The following HLCS variants were observed in gnomAD, a reference collection of about 807,000 sequenced individuals.
HLCS encodes holocarboxylase synthetase.
In HLCS, 53 loss-of-function variants were observed where a neutral mutation model predicts 75.0. The ratio of observed to expected loss-of-function variants is 0.71; its 90% confidence interval spans 0.57 to 0.89. The LOEUF is 0.89. Ranked by LOEUF, HLCS falls within the 40% of genes least tolerant of loss-of-function variation. The pLI is 0.00. For synonymous variants in HLCS, 431 were observed against 428.6 expected, an observed-to-expected ratio of 1.01 and a Z score of -0.07; for missense variants, 966 against 1,074.0, an observed-to-expected ratio of 0.90 and a Z score of 1.41.
At chr21:36,821,625 C>T (rs1038713503) in intron 6 of HLCS, among the ~76,000 whole-genome samples, 1 of 152,212 alleles carries the variant, frequency 6.6e-6, no homozygotes, top group Non-Finnish European at 1.5e-5. Context: ...ACTTCTGCAA[C>T]CCAAATGTTC....
In HLCS at chr21:36,751,901, A is replaced by G. The variant is rs538073380; in HGVS notation, c.*2345T>C. ...AAAAGCACACGCCAATCCTGAGTTTAGTGACCACATTTTAAAGATCATCAG... is the reference window on the plus strand; with the variant it reads ...AAAAGCACACGCCAATCCTGAGTTTGGTGACCACATTTTAAAGATCATCAG... On this transcript the variant is annotated 3_prime_UTR_variant, in exon 11 of 11. Transcript: ENST00000674895. The G allele has an allele frequency of 2.0e-5, 3 of 152,366 alleles. No homozygotes were observed. The highest frequency in any genetic ancestry group is 4.4e-5 in the Non-Finnish European group (3 of 68,028). The allele number at this position is 152,366 out of a possible 1,614,324, so 9.4% of individuals were successfully genotyped here.
chr21:36,864,748 C>A (rs1378468423), intron 6 of HLCS, among the ~76,000 whole-genome samples: 1 of 152,074 alleles, frequency 6.6e-6, no homozygotes, highest in Non-Finnish European at 1.5e-5. Flanking sequence ...GCCTTTTTAT[C>A]CTTTCTATAG....
At chr21:36,950,001 TC>T (rs1197430119) in intron 2 of HLCS, among the ~76,000 whole-genome samples, 2 of 152,054 alleles carry the variant, frequency 1.3e-5, no homozygotes, top group Non-Finnish European at 1.5e-5. Flanking sequence ...CCACAGGCCA[TC>T]ACCTCCTAAC....
chr21:36,801,313 C>A (rs2061193943), intron 6 of HLCS, among the ~76,000 whole-genome samples: 2 of 152,176 alleles, frequency 1.3e-5, no homozygotes, highest in Non-Finnish European at 2.9e-5. Context: ...TTGCCTCTAT[C>A]CTGTGATATT....
chr21:36,933,546 CGTCTCAAA>C (rs1674967151), intron 4 of HLCS, among the ~76,000 whole-genome samples: 1 of 112,838 alleles, frequency 8.9e-6, no homozygotes, highest in Non-Finnish European at 1.8e-5. Flanking sequence ...AATGAAACTC[CGTCTCAAA>C]AAAAAAAAAA....
At chr21:36,789,711 G>C (rs73212605) in intron 6 of HLCS, among the ~76,000 whole-genome samples, 24,184 of 152,164 alleles carry the variant, frequency 0.16, 2,068 homozygotes, top group South Asian at 0.26. Context: ...GCCACCTTAC[G>C]CATTTTCTAG....
At chr21:36,863,102 G>A (rs2063438656) in intron 6 of HLCS, among the ~76,000 whole-genome samples, 1 of 152,036 alleles carries the variant, frequency 6.6e-6, no homozygotes, top group African/African-American at 2.4e-5. Flanking sequence ...AATCCCATGA[G>A]ACAGAAATGT....
intron 6 of HLCS, among the ~76,000 whole-genome samples, chr21:36,806,638 G>C (rs959970401): frequency 2.6e-5 from 4 of 152,220 alleles, no homozygotes; most frequent in African/African-American, 7.2e-5. Flanking sequence ...GTCCCATGGT[G>C]AAACTAGAGC....
intron 6 of HLCS, among the ~76,000 whole-genome samples, chr21:36,789,000 A>T (rs1043456942): frequency 5.3e-5 from 8 of 152,234 alleles, no homozygotes; most frequent in African/African-American, 1.9e-4. Flanking sequence ...AAGAAGACGC[A>T]TCTCCTATGG....
At chr21:36,987,542 G>A (rs1014729479) in intron 1 of HLCS, among the ~76,000 whole-genome samples, 1 of 151,698 alleles carries the variant, frequency 6.6e-6, no homozygotes, top group African/African-American at 2.4e-5. Flanking sequence ...GAACCTGGGA[G>A]GCAGAGGTTG....
At chr21:36,906,819 A>C (rs983839613) in intron 5 of HLCS, among the ~76,000 whole-genome samples, 1 of 152,200 alleles carries the variant, frequency 6.6e-6, no homozygotes, top group African/African-American at 2.4e-5. Context: ...GCAGTATATC[A>C]AGACGGTGTG....
At chr21:36,946,285 C>T (rs560377155) in intron 2 of HLCS, 2 of 159,704 alleles carry the variant, frequency 1.3e-5, no homozygotes, top group South Asian at 4.0e-4. Flanking sequence ...CTTACTTTAT[C>T]ACCCAGGCTG....
Position 36,899,264 on chromosome 21 carries a change from C to T in HLCS, c.1621-2133G>A, listed in dbSNP as rs993675883. Among the ~76,000 whole-genome samples the T allele has an allele frequency of 2.2e-4, 33 of 152,010 alleles. 1 individual carries two copies. Among genetic ancestry groups the T allele is most frequent in the African/African-American group, 5.8e-4 (24 of 41,426 alleles). On this transcript the variant is annotated intron_variant, in intron 5 of 10. Coordinates refer to ENST00000674895, the MANE Select transcript of HLCS (RefSeq NM_001352514.2). ...TTACAGTATTCTCTCTATTCTTTTC[C>T]ATGTTTGAGAACTGTCATAATTAAG...
chr21:36,797,557 C>T (rs1488935267), intron 6 of HLCS, among the ~76,000 whole-genome samples: 1 of 152,150 alleles, frequency 6.6e-6, no homozygotes, highest in Non-Finnish European at 1.5e-5. Flanking sequence ...AACATCTTTG[C>T]AAAACCATTA....
chr21:36,769,278 C>T (rs570050400), intron 6 of HLCS, among the ~76,000 whole-genome samples: 1 of 152,326 alleles, frequency 6.6e-6, no homozygotes, highest in South Asian at 2.1e-4. Context: ...GGAGCTAATG[C>T]TCAGTTTGAG....
At chr21:36,978,234 G>A (rs35583976) in intron 1 of HLCS, among the ~76,000 whole-genome samples, 68,334 of 151,948 alleles carry the variant, frequency 0.45, 15,384 homozygotes, top group South Asian at 0.47. Context: ...GGTGGTTCAT[G>A]CCTGTAATCC....
At chr21:36,939,080 C>A (rs2067023727) in intron 2 of HLCS, 86 bp from the exon 3 acceptor site, 2 of 1,209,646 alleles carry the variant, frequency 1.7e-6, no homozygotes, top group Admixed American at 4.6e-5. Flanking sequence ...TTATTTTTCC[C>A]TTGAGGCTCC....
At chr21:36,956,729 C>G (rs1341893994) in intron 2 of HLCS, among the ~76,000 whole-genome samples, 1 of 151,662 alleles carries the variant, frequency 6.6e-6, no homozygotes, top group Non-Finnish European at 1.5e-5. Flanking sequence ...GACTCCGTCT[C>G]AAAAATAAAT....
At chr21:36,754,464 G>A (rs780930295) in intron 10 of HLCS, 47 bp from the exon 11 acceptor site, 37 of 1,574,432 alleles carry the variant, frequency 2.4e-5, no homozygotes, top group Admixed American at 6.9e-5. Flanking sequence ...GTCACAGGAC[G>A]ACTTAAGACA....
Sources: gnomAD v4.1 joint callset for allele counts (sites outside exome capture counted in the v4.1 genomes callset) on GRCh38, gnomAD v4.1.1 for gene constraint, MANE v1.5 for transcripts, NCBI Gene and HGNC (gene_info 2026-07-23, HGNC 2026-07-21) for gene names.